Variants in NCOA2 observed in about 807,000 individuals in gnomAD.
The protein encoded by NCOA2 is class E basic helix-loop-helix protein 75.
NCOA2 carries 21 observed loss-of-function variants against 145.1 expected under a neutral mutation model. The ratio of observed to expected loss-of-function variants is 0.14; its 90% CI spans 0.10 to 0.21. The LOEUF (loss-of-function observed/expected upper bound fraction) is 0.21, where lower values mean the gene tolerates loss of function less well. Among genes scored for constraint, NCOA2 ranks in the 10% least tolerant of loss-of-function variants. NCOA2 has a pLI of 1.00. For missense variants in NCOA2, 1,472 were observed against 1,837.6 expected, an observed-to-expected ratio of 0.80 and a Z score of 3.64; for synonymous variants, 619 against 637.5, an observed-to-expected ratio of 0.97 and a Z score of 0.44.
chr8:70,363,369 C>T (rs924436730), intron 1 of NCOA2, among the ~76,000 whole-genome samples: 48 of 149,186 alleles, frequency 3.2e-4, no homozygotes, highest in Non-Finnish European at 5.9e-4. Context: ...GGTGACAGAG[C>T]TAGACACCAT....
At chr8:70,304,843 C>T (rs1827767284) in intron 1 of NCOA2, among the ~76,000 whole-genome samples, 1 of 148,858 alleles carries the variant, frequency 6.7e-6, no homozygotes, top group Non-Finnish European at 1.5e-5. Flanking sequence ...GAAAGTGGAC[C>T]AGAAGTAACT....
At chr8:70,182,722 T>C (rs551646356) in intron 4 of NCOA2, among the ~76,000 whole-genome samples, 3 of 152,230 alleles carry the variant, frequency 2.0e-5, no homozygotes, top group Non-Finnish European at 4.4e-5. Context: ...AAATCTTTCA[T>C]GATAAGCCAT....
intron 2 of NCOA2, among the ~76,000 whole-genome samples, 164 bp downstream of exon 2, chr8:70,296,580 T>C (rs1271635586): frequency 6.6e-6 from 1 of 152,316 alleles, no homozygotes; most frequent in East Asian, 1.9e-4. Flanking sequence ...TCCAATACAT[T>C]TGTAAGGAAC....
At chr8:70,216,631 C>A (rs1210024384) in intron 3 of NCOA2, 29 bp downstream of exon 3, 1 of 1,551,126 alleles carries the variant, frequency 6.4e-7, no homozygotes, top group South Asian at 1.1e-5. Flanking sequence ...ACAGACAATA[C>A]TGATTCCTTT....
In NCOA2 at chr8:70,110,071, T is replaced by C. The variant is rs766602378; in HGVS notation, c.*3561A>G. On this transcript the variant is annotated 3_prime_UTR_variant, in exon 23 of 23. Transcript: ENST00000452400. ...CTTTCTCCTGAAGAACCATAGTTAA[T>C]ATATTGCTTAATTTTACCCTTGTAT... The C allele has an allele frequency of 7.6e-5, 15 of 196,330 alleles. No individual in the cohort carries two copies. The highest frequency in any genetic ancestry group is 1.1e-4 in the Non-Finnish European group (10 of 94,420). The allele number at this position is 196,330 out of a possible 1,614,324, so 12.2% of individuals were successfully genotyped here. A position where few individuals can be genotyped will look rare whatever the true frequency, so the allele number is the denominator to read the frequency against.
intron 2 of NCOA2, among the ~76,000 whole-genome samples, chr8:70,260,254 C>T (rs771970810): frequency 7.2e-5 from 11 of 151,974 alleles, no homozygotes; most frequent in Non-Finnish European, 1.2e-4. Context: ...CACAGCTCAC[C>T]GCAGCCTCGA....
intron 18 of NCOA2, 57 bp downstream of exon 18, chr8:70,128,376 A>G: frequency 6.8e-7 from 1 of 1,460,242 alleles, no homozygotes; most frequent in South Asian, 1.2e-5. Context: ...AGAGGAAGAA[A>G]TGACAAAAGC....
At chr8:70,390,395 T>G (rs1269802737) in intron 1 of NCOA2, among the ~76,000 whole-genome samples, 4 of 152,206 alleles carry the variant, frequency 2.6e-5, no homozygotes, top group Non-Finnish European at 5.9e-5. Flanking sequence ...CTTGTGATAA[T>G]TCTTATTGTT....
At chr8:70,146,475 A>C (rs1248133517) in intron 12 of NCOA2, among the ~76,000 whole-genome samples, 1 of 152,232 alleles carries the variant, frequency 6.6e-6, no homozygotes, top group Non-Finnish European at 1.5e-5. Context: ...ATTTAAAAGA[A>C]AAAGTTCTTA....
intron 1 of NCOA2, among the ~76,000 whole-genome samples, chr8:70,402,852 C>A: frequency 6.8e-6 from 1 of 147,878 alleles, no homozygotes; most frequent in African/African-American, 2.5e-5. Flanking sequence ...GCGAGCCCGG[C>A]TCGGCGCCGC....
chr8:70,341,081 T>TG (rs1808092562), intron 1 of NCOA2, among the ~76,000 whole-genome samples: 3 of 95,994 alleles, frequency 3.1e-5, no homozygotes, highest in East Asian at 5.9e-4. Context: ...CTTAAAAAGT[T>TG]GAAAAAAAAA....
At chr8:70,138,722 G>C (rs1248905751) in intron 14 of NCOA2, among the ~76,000 whole-genome samples, 1 of 152,208 alleles carries the variant, frequency 6.6e-6, no homozygotes, top group Non-Finnish European at 1.5e-5. Context: ...CTAGATCCAA[G>C]TAAGTGGAAG....
chr8:70,206,729 C>T (rs1818481483), intron 4 of NCOA2, among the ~76,000 whole-genome samples: 1 of 152,134 alleles, frequency 6.6e-6, no homozygotes, highest in African/African-American at 2.4e-5. Context: ...CCTTTTCAGC[C>T]TCAAATCCAA....
At chr8:70,449,487 AC>A in the NCOA2 span, among the ~76,000 whole-genome samples, 14 of 152,160 alleles carry the variant, frequency 9.2e-5, no homozygotes, top group Non-Finnish European at 1.6e-4. Flanking sequence ...CAAAACTGTC[AC>A]CCCTTGTAGG....
chr8:70,273,363 G>A (rs553832520), intron 2 of NCOA2: 31 of 614,602 alleles, frequency 5.0e-5, no homozygotes, highest in South Asian at 2.6e-4. Flanking sequence ...CCCCTTATCC[G>A]CTGCGACAAG....
chr8:70,342,046 T>A (rs528871459), intron 1 of NCOA2, among the ~76,000 whole-genome samples: 2 of 152,326 alleles, frequency 1.3e-5, no homozygotes, highest in South Asian at 4.1e-4. Flanking sequence ...TAGGATTTGA[T>A]GTATTTTTAA....
At position 70,187,769 on chromosome 8, in the gene NCOA2, G is replaced by A. The variant is rs1816239080; in HGVS notation, c.260-12910C>T. Among the ~76,000 whole-genome samples, 4 of 152,242 alleles carry A rather than the reference G, an allele frequency of 2.6e-5. No homozygotes were observed. In the South Asian group the frequency reaches 8.3e-4, roughly 32 times the overall value. On this transcript the variant is annotated intron_variant, in intron 4 of 22. Transcript: ENST00000452400. ...TTTGTTTTACATATATTAACCACAA[G>A]AGATGCTTCCCCACCATTCTACAAC...
intron 2 of NCOA2, among the ~76,000 whole-genome samples, chr8:70,236,848 T>C (rs1014227662): frequency 6.6e-6 from 1 of 152,202 alleles, no homozygotes. Flanking sequence ...GACTTGAGCA[T>C]TGGTGGACTT....
At chr8:70,367,175 G>A (rs1810780463) in intron 1 of NCOA2, among the ~76,000 whole-genome samples, 1 of 152,180 alleles carries the variant, frequency 6.6e-6, no homozygotes, top group South Asian at 2.1e-4. Flanking sequence ...TAGTAGCCCA[G>A]ATTTTCCTTT....
Sources: allele counts gnomAD v4.1 joint callset (sites outside exome capture counted in the v4.1 genomes callset), GRCh38; gene constraint gnomAD v4.1.1; transcripts MANE v1.5; gene names NCBI Gene and HGNC (gene_info 2026-07-23, HGNC 2026-07-21).